The following GRIA3 variants were observed in gnomAD, a reference collection of about 807,000 sequenced individuals.
GRIA3 encodes the protein glutamate ionotropic receptor AMPA type subunit 3.
In GRIA3, 3 loss-of-function variants were observed where a neutral mutation model predicts 63.0. The observed-to-expected ratio is 0.05, with a 90% CI of 0.02 to 0.12. GRIA3 has a LOEUF of 0.12. GRIA3 is among the 10% of genes least tolerant of loss of function. GRIA3 has a pLI of 1.00. For missense variants in GRIA3, 347 were observed against 700.9 expected (o/e 0.50, Z 5.70); for synonymous variants, 274 against 257.9 (o/e 1.06, Z -0.60).
rs1223781617 is a variant in GRIA3 at position 123,427,925 on chromosome X, T to C, written c.1878-16T>C. On this transcript the variant is annotated splice_polypyrimidine_tract_variant and intron_variant, in intron 11 of 15. Transcript: ENST00000620443. ...GGCCCCTCTGGGTCTGGATTTGTTTTTGTTTTGTTTTATAGATCACTCTCC... is the reference window on the plus strand; with the variant it reads ...GGCCCCTCTGGGTCTGGATTTGTTTCTGTTTTGTTTTATAGATCACTCTCC... The C allele has an allele frequency of 1.7e-6, 2 of 1,157,061 alleles. No individual in the cohort carries two copies. Among genetic ancestry groups the C allele is most frequent in the Non-Finnish European group, 2.4e-6 (2 of 847,390 alleles).
intron 3 of GRIA3, among the ~76,000 whole-genome samples, chrX:123,315,147 G>T (rs2044822888): frequency 8.9e-6 from 1 of 111,763 alleles, no homozygotes; most frequent in South Asian, 3.8e-4. Flanking sequence ...TAATAATGCA[G>T]CTGCAAGGAG....
intron 5 of GRIA3, among the ~76,000 whole-genome samples, chrX:123,362,983 G>A (rs1253250466): frequency 8.9e-6 from 1 of 112,534 alleles, no homozygotes; most frequent in African/African-American, 3.2e-5. Flanking sequence ...AATTTATATG[G>A]TGTAATTGTC....
intron 5 of GRIA3, among the ~76,000 whole-genome samples, chrX:123,388,557 T>C (rs1166943300): frequency 8.9e-6 from 1 of 112,511 alleles, no homozygotes; most frequent in African/African-American, 3.2e-5. Context: ...ATTTTTCATA[T>C]TTCTGTGGTA....
intron 12 of GRIA3, among the ~76,000 whole-genome samples, chrX:123,432,565 G>A (rs769731435): frequency 2.2e-4 from 25 of 111,649 alleles, no homozygotes; most frequent in Non-Finnish European, 4.0e-4. Context: ...ACCTGTGTGC[G>A]TAGGCTGCTG....
intron 3 of GRIA3, among the ~76,000 whole-genome samples, chrX:123,274,951 C>T (rs1347185819): frequency 1.8e-5 from 2 of 111,478 alleles, no homozygotes; most frequent in South Asian, 7.6e-4. Flanking sequence ...CAGCACTAGG[C>T]TCCTGCTAGT....
intron 5 of GRIA3, among the ~76,000 whole-genome samples, chrX:123,360,691 G>C: frequency 2.9e-5 from 1 of 34,120 alleles, no homozygotes; most frequent in Admixed American, 4.5e-4. Flanking sequence ...GCAAGACTCT[G>C]TCTCAAAAAA....
chrX:123,256,220 A>G (rs777389798), intron 3 of GRIA3, among the ~76,000 whole-genome samples: 34 of 111,887 alleles, frequency 3.0e-4, no homozygotes, highest in Non-Finnish European at 5.6e-4. Flanking sequence ...ACAATTATTC[A>G]TTAATGCAAT....
intron 3 of GRIA3, among the ~76,000 whole-genome samples, chrX:123,325,442 T>G (rs903052179): frequency 1.8e-5 from 2 of 112,081 alleles, no homozygotes; most frequent in African/African-American, 6.5e-5. Context: ...TCAGGAAAGC[T>G]TAATATGACT....
At position 123,256,697 on chromosome X, in the gene GRIA3, T is replaced by C. The variant is rs1184389328; in HGVS notation, c.508+3155T>C. Among the ~76,000 whole-genome samples the C allele has an allele frequency of 3.6e-5, 4 of 111,851 alleles. No individual in the cohort carries two copies. The Admixed American group carries it at 3.8e-4, about 11-fold the overall frequency. On this transcript the variant is annotated intron_variant, in intron 3 of 15. Transcript: ENST00000620443. ...GAAGCCATGCTGAGGAGTATGAATT[T>C]TATTCTAATTGCAGTGGGAAGTCAT... is the stretch of plus-strand genomic sequence containing the variant.
chrX:123,420,381 G>A (rs1475893068), intron 11 of GRIA3, among the ~76,000 whole-genome samples: 1 of 111,191 alleles, frequency 9.0e-6, no homozygotes, highest in Admixed American at 9.6e-5. Context: ...TTCTCAATCT[G>A]CTTGATTACA....
intron 12 of GRIA3, among the ~76,000 whole-genome samples, chrX:123,435,005 C>T (rs1382019751): frequency 8.0e-5 from 9 of 112,285 alleles, no homozygotes; most frequent in Non-Finnish European, 1.5e-4. Context: ...GACGATCATA[C>T]ATCTTATAAA....
intron 5 of GRIA3, among the ~76,000 whole-genome samples, chrX:123,375,866 C>G (rs2045281831): frequency 8.9e-6 from 1 of 112,249 alleles, no homozygotes; most frequent in South Asian, 3.6e-4. Context: ...GTTCTGTGGT[C>G]ATGTCTGTTG....
chrX:123,384,423 G>A (rs768186809), intron 5 of GRIA3, among the ~76,000 whole-genome samples: 5 of 111,814 alleles, frequency 4.5e-5, no homozygotes, highest in Non-Finnish European at 9.4e-5. Context: ...TCGGGAGTTC[G>A]AGACCAGCCT....
rs1020814619 is a variant in GRIA3, at chrX:123,484,922, T to C, written c.*2+1876T>C. 9.7e-5 allele frequency among the ~76,000 whole-genome samples: 11 copies of C among 112,980 alleles called. No homozygotes were observed. In the South Asian group the frequency reaches 1.1e-3, roughly 11 times the overall value. On this transcript the variant is annotated intron_variant, in intron 15 of 15. Coordinates refer to ENST00000620443, the MANE Select transcript of GRIA3 (RefSeq NM_007325.5). ...GTCCAGTGAAGTTGCTGGTTGTTCC[T>C]TCTTCCTGCCTTTTGCCACAACATA...
At chrX:123,371,758 T>C (rs181795135) in intron 5 of GRIA3, among the ~76,000 whole-genome samples, 14 of 111,684 alleles carry the variant, frequency 1.3e-4, no homozygotes, top group Admixed American at 1.2e-3. Flanking sequence ...TAGAGTTCCT[T>C]ATATGTTCTG....
intron 3 of GRIA3, among the ~76,000 whole-genome samples, chrX:123,271,919 A>G (rs2044526242): frequency 8.9e-6 from 1 of 111,834 alleles, no homozygotes; most frequent in African/African-American, 3.3e-5. Context: ...CAAAGAAAGG[A>G]TGTTACTTTT....
rs1339099009 is a variant in GRIA3 at position 123,386,123 on chromosome X, T to C, written c.751-8845T>C. ...TGTTGTTTTTGTTTGTTTTTGTCTT[T>C]TTAATAGTAGCCATTCTAACCAAGG... On this transcript the variant is annotated intron_variant, in intron 5 of 15. Transcript: ENST00000620443. 9.0e-5 allele frequency among the ~76,000 whole-genome samples: 10 copies of C among 111,630 alleles called. No homozygotes were observed. The Admixed American group carries it at 9.6e-4, about 11-fold the overall frequency.
At chrX:123,481,692 CTATTT>C (rs1409162893) in intron 14 of GRIA3, among the ~76,000 whole-genome samples, 1 of 111,697 alleles carries the variant, frequency 9.0e-6, no homozygotes, top group Non-Finnish European at 1.9e-5. Flanking sequence ...CTACAAAATG[CTATTT>C]TATTTTATTT....
chrX:123,265,858 G>A (rs2044485253), intron 3 of GRIA3, among the ~76,000 whole-genome samples: 1 of 111,816 alleles, frequency 8.9e-6, no homozygotes, highest in South Asian at 3.8e-4. Flanking sequence ...TAGATAGGCG[G>A]CAAAAGGAAA....
Sources: gnomAD v4.1 joint callset for allele counts (sites outside exome capture counted in the v4.1 genomes callset) on GRCh38, gnomAD v4.1.1 for gene constraint, MANE v1.5 for transcripts, NCBI Gene and HGNC (gene_info 2026-07-23, HGNC 2026-07-21) for gene names.